Variants in METAP1 observed in about 807,000 individuals in gnomAD.
The protein encoded by METAP1 is methionine aminopeptidase 1.
In METAP1, 28 loss-of-function variants were observed where a neutral mutation model predicts 53.8. The ratio of observed to expected loss-of-function variants is 0.52; its 90% CI spans 0.39 to 0.71. METAP1 has a LOEUF of 0.71. Among genes scored for constraint, METAP1 ranks in the 30% least tolerant of loss-of-function variants. The pLI, the probability that METAP1 is intolerant of heterozygous loss-of-function variation, is 0.00. For synonymous variants in METAP1, 181 were observed against 165.7 expected, an observed-to-expected ratio of 1.09 and a Z score of -0.71; for missense variants, 389 against 479.8, an observed-to-expected ratio of 0.81 and a Z score of 1.77.
intron 4 of METAP1, among the ~76,000 whole-genome samples, chr4:99,038,594 A>G (rs1725606502): frequency 6.6e-6 from 1 of 152,058 alleles, no homozygotes; most frequent in African/African-American, 2.4e-5. Context: ...TTTTTCCATT[A>G]GTACTTGTAA....
intron 5 of METAP1, among the ~76,000 whole-genome samples, chr4:99,040,224 C>G (rs942671703): frequency 1.3e-5 from 2 of 152,098 alleles, no homozygotes; most frequent in Non-Finnish European, 2.9e-5. Context: ...GTTTAAGGCT[C>G]AGAGGGTTAT....
intron 1 of METAP1, among the ~76,000 whole-genome samples, chr4:99,019,056 A>T (rs1357370305): frequency 1.3e-5 from 2 of 152,188 alleles, no homozygotes; most frequent in Non-Finnish European, 2.9e-5. Flanking sequence ...TCTCTTCCTA[A>T]CAAATTAGTG....
chr4:99,036,632 T>C (rs1725443477), intron 4 of METAP1, among the ~76,000 whole-genome samples: 1 of 152,134 alleles, frequency 6.6e-6, no homozygotes, highest in South Asian at 2.1e-4. Flanking sequence ...ACTTAATATG[T>C]CTTACAAATG....
chr4:99,013,590 T>C (rs1432245445), intron 1 of METAP1, among the ~76,000 whole-genome samples: 1 of 152,234 alleles, frequency 6.6e-6, no homozygotes, highest in Non-Finnish European at 1.5e-5. Context: ...CTTTACATCC[T>C]GATGCAATCC....
chr4:99,008,839 C>T (rs1723316455), intron 1 of METAP1, among the ~76,000 whole-genome samples: 1 of 152,104 alleles, frequency 6.6e-6, no homozygotes, highest in Non-Finnish European at 1.5e-5. Context: ...ATTATATACA[C>T]CTATACAGTT....
At position 99,043,315 on chromosome 4, in the gene METAP1, A is replaced by G; in HGVS notation, c.583A>G (p.Thr195Ala). The change falls in exon 7 of 11, where the codon ACC (threonine) becomes GCC (alanine). Residue 195 changes from threonine to alanine, a missense_variant. Transcript: ENST00000296411. ...NYYNFPKSCCTSVNEVICHGI... is the reference protein window; with the variant it reads ...NYYNFPKSCCASVNEVICHGI... ...TTATAATTTCCCAAAGTCTTGTTGTACCTCAGTGAATGAAGTCATTTGCCA... is the reference window on the plus strand; with the variant it reads ...TTATAATTTCCCAAAGTCTTGTTGTGCCTCAGTGAATGAAGTCATTTGCCA... The G allele has an allele frequency of 6.2e-7, 1 of 1,606,610 alleles. No individual in the cohort carries two copies. Among genetic ancestry groups the G allele is most frequent in the Non-Finnish European group, 8.5e-7 (1 of 1,175,644 alleles).
intron 9 of METAP1, among the ~76,000 whole-genome samples, chr4:99,053,213 A>G (rs932891258): frequency 4.6e-5 from 7 of 152,042 alleles, no homozygotes; most frequent in Admixed American, 6.6e-5. Flanking sequence ...GCATCACACA[A>G]TTTCCTCCCA....
intron 1 of METAP1, chr4:99,026,930 CT>C: frequency 1.3e-6 from 1 of 795,182 alleles, no homozygotes; most frequent in Non-Finnish European, 1.5e-6. Flanking sequence ...AATACAAGCC[CT>C]TAGCTAATGA....
intron 9 of METAP1, among the ~76,000 whole-genome samples, chr4:99,052,743 TA>T (rs1412541998): frequency 3.9e-5 from 6 of 152,178 alleles, no homozygotes; most frequent in African/African-American, 1.2e-4. Flanking sequence ...TTTCTTGAAA[TA>T]AGACAACAAA....
chr4:99,031,423 G>T (rs139641975), intron 2 of METAP1: 10 of 1,266,610 alleles, frequency 7.9e-6, no homozygotes, highest in Middle Eastern at 2.2e-4. Flanking sequence ...TATAAAAGCC[G>T]CATTTAATAA....
At chr4:99,055,639 T>G (rs1013299032) in intron 9 of METAP1, among the ~76,000 whole-genome samples, 3 of 152,212 alleles carry the variant, frequency 2.0e-5, no homozygotes, top group Admixed American at 6.5e-5. Context: ...TATTGAGAGA[T>G]ATGTTACATG....
At position 99,060,402 on chromosome 4, in the gene METAP1, C is replaced by T. The variant is rs548886909; in HGVS notation, c.998-752C>T. Among the ~76,000 whole-genome samples, 28 of 125,992 alleles carry T rather than the reference C, an allele frequency of 2.2e-4. No individual in the cohort carries two copies. The South Asian group carries it at 6.6e-3, about 30-fold the overall frequency. The allele number at this position is 125,992 out of a possible 152,430, so 82.7% of individuals were successfully genotyped here. On this transcript the variant is annotated intron_variant, in intron 10 of 10. Transcript: ENST00000296411. ...TTTTTGAGACGGAGTCTTGGTCTGT[C>T]GCCCAGGCTGGAATGCAGTGGCGCG...
chr4:99,012,273 T>G (rs1162667754), intron 1 of METAP1, among the ~76,000 whole-genome samples: 1 of 150,518 alleles, frequency 6.6e-6, no homozygotes, highest in Non-Finnish European at 1.5e-5. Context: ...ATGTGAGTTT[T>G]TTTTTTTTTT....
At chr4:99,007,271 A>G (rs1317182985) in intron 1 of METAP1, among the ~76,000 whole-genome samples, 1 of 152,120 alleles carries the variant, frequency 6.6e-6, no homozygotes, top group Non-Finnish European at 1.5e-5. Flanking sequence ...AACGCTGTTG[A>G]CAAGACTCAT....
chr4:99,036,789 T>C (rs1238631042), intron 4 of METAP1, among the ~76,000 whole-genome samples: 5 of 152,098 alleles, frequency 3.3e-5, no homozygotes, highest in Admixed American at 3.3e-4. Context: ...GCAATTTGAC[T>C]GCAGTAACTA....
rs1210235190 is a variant in METAP1 at position 99,034,232 on chromosome 4, G to C, written c.169G>C (p.Asp57His). The C allele has an allele frequency of 6.5e-7, 1 of 1,539,912 alleles. No homozygotes were observed. Among genetic ancestry groups the C allele is most frequent in the Non-Finnish European group, 8.8e-7 (1 of 1,136,384 alleles). Residue 57 changes from aspartate to histidine, a missense_variant and splice_region_variant, in exon 3 of 11, where the codon GAT (aspartate) becomes CAT (histidine). Physicochemically the swap from Asp to His is moderately conservative, Grantham distance 81. Transcript: ENST00000296411. ...THKLLHKKAK[D>H]EKAKREVSSW... is the part of the protein sequence containing the mutation. Reference sequence around the variant, plus strand: ...ATATCTATTCCTCCGTCTCCCAGAAGATGAAAAGGCGAAGCGAGAAGTGTC... The same window carrying C: ...ATATCTATTCCTCCGTCTCCCAGAACATGAAAAGGCGAAGCGAGAAGTGTC...
intron 2 of METAP1, chr4:99,031,514 G>A: frequency 7.8e-7 from 1 of 1,288,286 alleles, no homozygotes; most frequent in Non-Finnish European, 1.0e-6. Context: ...ACAGAGAGAA[G>A]GTGTTATGTA....
chr4:99,052,258 A>ATGT (rs1214047389), intron 9 of METAP1, among the ~76,000 whole-genome samples: 1 of 152,230 alleles, frequency 6.6e-6, no homozygotes, highest in Non-Finnish European at 1.5e-5. Context: ...TCTTCTCTTG[A>ATGT]TGTTGATGGC....
At chr4:99,019,239 C>G (rs1026307461) in intron 1 of METAP1, among the ~76,000 whole-genome samples, 2 of 152,166 alleles carry the variant, frequency 1.3e-5, no homozygotes, top group Non-Finnish European at 2.9e-5. Flanking sequence ...GAACAAGTAG[C>G]TCCAGAATCA....
Sources: allele counts gnomAD v4.1 joint callset (sites outside exome capture counted in the v4.1 genomes callset), GRCh38; gene constraint gnomAD v4.1.1; transcripts MANE v1.5; gene names NCBI Gene and HGNC (gene_info 2026-07-23, HGNC 2026-07-21).